The following JPH2 variants were observed in gnomAD, a reference collection of about 807,000 sequenced individuals.
JPH2 encodes the protein junctophilin 2.
JPH2 carries 38 observed loss-of-function variants against 55.9 expected under a neutral mutation model. That is an observed-to-expected ratio of 0.68 (90% CI 0.52 to 0.89). JPH2 has a LOEUF of 0.89. Ranked by LOEUF, JPH2 falls within the 40% of genes least tolerant of loss-of-function variation. The pLI is 0.00. For missense variants in JPH2, 964 were observed against 1,037.6 expected (o/e 0.93, Z 0.97); for synonymous variants, 480 against 472.4 (o/e 1.02, Z -0.21).
At chr20:44,134,429 T>C (rs1473330015) in intron 2 of JPH2, among the ~76,000 whole-genome samples, 2 of 33,198 alleles carry the variant, frequency 6.0e-5, no homozygotes, top group Non-Finnish European at 9.6e-5. Context: ...TATATATTTA[T>C]TATAAATATA....
intron 2 of JPH2, among the ~76,000 whole-genome samples, chr20:44,141,072 A>T (rs1351528469): frequency 2.6e-5 from 4 of 152,178 alleles, no homozygotes; most frequent in Admixed American, 2.0e-4. Context: ...AGATGTGGTG[A>T]CCAGGGAAGA....
intron 2 of JPH2, among the ~76,000 whole-genome samples, chr20:44,140,778 C>T (rs1001728104): frequency 6.6e-6 from 1 of 151,996 alleles, no homozygotes; most frequent in Non-Finnish European, 1.5e-5. Context: ...CAAGGGTAAT[C>T]GTAGAATAAT....
At chr20:44,157,425 A>T (rs190531354) in intron 2 of JPH2, among the ~76,000 whole-genome samples, 1 of 152,176 alleles carries the variant, frequency 6.6e-6, no homozygotes, top group East Asian at 1.9e-4. Context: ...TTGAGACTGT[A>T]TTGCAACCCA....
In JPH2 at chr20:44,109,281, T is replaced by C. The variant is rs1383906735; in HGVS notation, c.*4237A>G. ...TGGACGAATACCTACACCATGGAGA[T>C]ACTGCGAAGAATGGAAAATAGCAGT... On this transcript the variant is annotated 3_prime_UTR_variant, in exon 6 of 6. Coordinates refer to ENST00000372980, the MANE Select transcript of JPH2 (RefSeq NM_020433.5). 1.3e-5 allele frequency among the ~76,000 whole-genome samples: 2 copies of C among 152,230 alleles called. No individual in the cohort carries two copies. The highest frequency in any genetic ancestry group is 4.8e-5 in the African/African-American group (2 of 41,458).
chr20:44,177,524 G>A (rs542302577), intron 1 of JPH2: 2 of 1,073,362 alleles, frequency 1.9e-6, no homozygotes, highest in South Asian at 2.9e-5. Flanking sequence ...TTCTGCTAAG[G>A]GTCTGCTGTG....
At chr20:44,149,544 G>A (rs2072516488) in intron 2 of JPH2, among the ~76,000 whole-genome samples, 1 of 152,160 alleles carries the variant, frequency 6.6e-6, no homozygotes, top group South Asian at 2.1e-4. Context: ...GGTGTGCTAG[G>A]CCTCCCTCCC....
At chr20:44,177,428 C>T (rs894734885) in intron 1 of JPH2, 7 of 990,154 alleles carry the variant, frequency 7.1e-6, no homozygotes, top group South Asian at 4.6e-5. Flanking sequence ...GACAGGGGCA[C>T]GTCTGCAGAG....
intron 2 of JPH2, among the ~76,000 whole-genome samples, chr20:44,139,001 T>C (rs2072436984): frequency 6.6e-6 from 1 of 152,172 alleles, no homozygotes; most frequent in South Asian, 2.1e-4. Flanking sequence ...CTCGTCCTCC[T>C]GTTTGCTCTT....
intron 2 of JPH2, among the ~76,000 whole-genome samples, chr20:44,145,429 AC>A (rs1275627871): frequency 6.6e-6 from 1 of 151,650 alleles, no homozygotes; most frequent in Non-Finnish European, 1.5e-5. Context: ...ACATAGTGAA[AC>A]CCCCGTCTCT....
rs2072147995 is a variant in JPH2, at chr20:44,111,867, G to C, written c.*1651C>G. 6.6e-6 allele frequency: 1 copy of C among 152,338 alleles called. No homozygotes were observed. Among genetic ancestry groups the C allele is most frequent in the Non-Finnish European group, 1.5e-5 (1 of 68,204 alleles). 9.4% of individuals were successfully genotyped at this position (152,338 alleles called of 1,614,324 possible). A position where few individuals can be genotyped will look rare whatever the true frequency, so the allele number is the denominator to read the frequency against. On this transcript the variant is annotated 3_prime_UTR_variant, in exon 6 of 6. Transcript: ENST00000372980. The stretch of plus-strand genomic sequence containing the variant: ...AAAAAAACAGGACAAGAATCTCCGA[G>C]ACGGAGCCCGTCAGCACAGAGCAGT...
chr20:44,127,654 T>G (rs2072287043), intron 2 of JPH2, among the ~76,000 whole-genome samples: 1 of 151,486 alleles, frequency 6.6e-6, no homozygotes, highest in Non-Finnish European at 1.5e-5. Flanking sequence ...CCTGGCTGAT[T>G]TTTTTTTGTA....
chr20:44,177,972 C>A, intron 1 of JPH2: 1 of 1,099,346 alleles, frequency 9.1e-7, no homozygotes, highest in Non-Finnish European at 1.4e-6. Flanking sequence ...TTAACACATC[C>A]CTAAAGGAAA....
chr20:44,129,575 A>C (rs1266613091), intron 2 of JPH2, among the ~76,000 whole-genome samples: 2 of 148,708 alleles, frequency 1.3e-5, no homozygotes, highest in East Asian at 2.0e-4. Context: ...AAAAACAAAA[A>C]AAACAAAACC....
rs945516386 is a variant in JPH2 at position 44,111,070 on chromosome 20, T to C, written c.*2448A>G. On this transcript the variant is annotated 3_prime_UTR_variant, in exon 6 of 6. Transcript: ENST00000372980. ...GAGAACTGCTTTCCTGCCACCAACT[T>C]GCTGTGTGCGTGACCTTGGGCAAGT... Among the ~76,000 whole-genome samples, 44 of 152,226 alleles carry C rather than the reference T, an allele frequency of 2.9e-4. No homozygotes were observed. The highest frequency in any genetic ancestry group is 7.9e-4 in the Admixed American group (12 of 15,278).
At position 44,118,484 on chromosome 20, in the gene JPH2, TCCTTCCCTGGCTGG is replaced by T; in HGVS notation, c.1288+7_1288+20del. 6.3e-7 allele frequency: 1 copy of T among 1,585,910 alleles called. No individual in the cohort carries two copies. Among genetic ancestry groups the T allele is most frequent in the Middle Eastern group, 1.7e-4 (1 of 5,966 alleles). On this transcript the variant is annotated splice_region_variant and intron_variant, in intron 3 of 5. Coordinates refer to ENST00000372980, the MANE Select transcript of JPH2 (RefSeq NM_020433.5). ...CCTAGGGATAGCCCTACCCTGCCCA[TCCTTCCCTGGCTGG>T]CCCTACCTGGCTGGTAGAAGTCCGG...
chr20:44,182,300 G>A (rs913297844), intron 1 of JPH2, among the ~76,000 whole-genome samples: 2 of 152,166 alleles, frequency 1.3e-5, no homozygotes, highest in Non-Finnish European at 1.5e-5. Flanking sequence ...GAGATTTTCC[G>A]AAGCAGTGGC....
chr20:44,172,875 A>G (rs945974987), intron 1 of JPH2, among the ~76,000 whole-genome samples: 1 of 152,190 alleles, frequency 6.6e-6, no homozygotes, highest in African/African-American at 2.4e-5. Flanking sequence ...GGTGCAAGTG[A>G]GAATATTTCA....
chr20:44,172,214 G>A (rs571286214), intron 1 of JPH2, among the ~76,000 whole-genome samples: 11 of 152,290 alleles, frequency 7.2e-5, no homozygotes, highest in African/African-American at 2.6e-4. Context: ...AACTTTCAGT[G>A]CTAATACCGG....
chr20:44,167,199 C>G (rs1427771911), intron 1 of JPH2, among the ~76,000 whole-genome samples: 1 of 152,152 alleles, frequency 6.6e-6, no homozygotes, highest in Non-Finnish European at 1.5e-5. Flanking sequence ...TTAGCACTTT[C>G]CACAGGTGCC....
Sources: allele counts gnomAD v4.1 joint callset (sites outside exome capture counted in the v4.1 genomes callset), GRCh38; gene constraint gnomAD v4.1.1; transcripts MANE v1.5; gene names NCBI Gene and HGNC (gene_info 2026-07-23, HGNC 2026-07-21).